PTPN14: variants seen among roughly 807,000 people sequenced by gnomAD.
PTPN14 encodes the protein tyrosine-protein phosphatase non-receptor type 14.
A neutral mutation model predicts 126.8 loss-of-function variants in PTPN14; 53 were observed. The observed-to-expected ratio is 0.42, with a 90% confidence interval of 0.34 to 0.53. The LOEUF (loss-of-function observed/expected upper bound fraction) is 0.53, where lower values mean the gene tolerates loss of function less well. Among genes scored for constraint, PTPN14 ranks in the 20% least tolerant of loss-of-function variants. The pLI, the probability that PTPN14 is intolerant of heterozygous loss-of-function variation, is 0.08. For missense variants in PTPN14, 1,257 were observed against 1,552.9 expected, an observed-to-expected ratio of 0.81 and a Z score of 3.20; for synonymous variants, 630 against 599.3, an observed-to-expected ratio of 1.05 and a Z score of -0.75.
intron 1 of PTPN14, among the ~76,000 whole-genome samples, chr1:214,515,578 T>C (rs1194607139): frequency 1.3e-5 from 2 of 152,186 alleles, no homozygotes; most frequent in Non-Finnish European, 1.5e-5. Flanking sequence ...TAATAACAGC[T>C]TCCAATTCAT....
intron 7 of PTPN14, 52 bp downstream of exon 7, chr1:214,401,633 T>C: frequency 7.0e-7 from 1 of 1,426,200 alleles, no homozygotes. Context: ...GTTTTCCAAA[T>C]GCCAGTACCG....
intron 1 of PTPN14, among the ~76,000 whole-genome samples, chr1:214,521,321 G>A (rs1655249369): frequency 6.6e-6 from 1 of 152,196 alleles, no homozygotes; most frequent in Non-Finnish European, 1.5e-5. Flanking sequence ...CTAAGATATA[G>A]AAAAGAGCCC....
At chr1:214,387,381 G>A (rs935874056) in intron 11 of PTPN14, among the ~76,000 whole-genome samples, 9 of 152,244 alleles carry the variant, frequency 5.9e-5, no homozygotes, top group Non-Finnish European at 8.8e-5. Context: ...GCATGGTGGC[G>A]CATGCCTGTA....
chr1:214,533,556 G>C, intron 1 of PTPN14: 1 of 301,116 alleles, frequency 3.3e-6, no homozygotes, highest in Non-Finnish European at 6.3e-6. Context: ...AAAAGGCTGG[G>C]TGCGGTGGCT....
rs1489155775 is a variant in PTPN14, at chr1:214,551,524, GCTGAGCCCGGAGAAGCACAGCAAC to G, written c.-520_-497del. ...AGGACCTGAGCCAGGAGAGCAGGCG[GCTGAGCCCGGAGAAGCACAGCAAC>G]CTGCCCCCGAGTCTGCGCCCGCTGC... is the stretch of plus-strand genomic sequence containing the variant. On this transcript the variant is annotated 5_prime_UTR_variant, in exon 1 of 19. Coordinates refer to ENST00000366956, the MANE Select transcript of PTPN14 (RefSeq NM_005401.5). 1 of 152,362 alleles carries G rather than the reference GCTGAGCCCGGAGAAGCACAGCAAC, an allele frequency of 6.6e-6. No homozygotes were observed. The highest frequency in any genetic ancestry group is 1.5e-5 in the Non-Finnish European group (1 of 68,178). The allele number at this position is 152,362 out of a possible 1,614,324, so 9.4% of individuals were successfully genotyped here. A position where few individuals can be genotyped will look rare whatever the true frequency, so the allele number is the denominator to read the frequency against.
intron 1 of PTPN14, among the ~76,000 whole-genome samples, chr1:214,498,564 T>TCAA (rs1654603689): frequency 6.6e-6 from 1 of 150,556 alleles, no homozygotes; most frequent in Non-Finnish European, 1.5e-5. Context: ...ATATGATTAC[T>TCAA]CAATAATATA....
intron 1 of PTPN14, among the ~76,000 whole-genome samples, chr1:214,487,462 C>T (rs899697923): frequency 2.4e-4 from 36 of 152,078 alleles, no homozygotes; most frequent in African/African-American, 7.5e-4. Context: ...CCCGTCTCTG[C>T]TAAAAATACA....
chr1:214,550,962 G>T (rs543059979), intron 1 of PTPN14, among the ~76,000 whole-genome samples: 1 of 152,302 alleles, frequency 6.6e-6, no homozygotes, highest in African/African-American at 2.4e-5. Context: ...CTTCCAGCTC[G>T]CTCCCGGGAC....
intron 2 of PTPN14, among the ~76,000 whole-genome samples, chr1:214,459,308 T>C (rs1572013149): frequency 6.7e-6 from 1 of 149,882 alleles, no homozygotes; most frequent in East Asian, 2.0e-4. Flanking sequence ...ATGCACCACC[T>C]TGCCCGGGTA....
chr1:214,533,634 A>T (rs192619111), intron 1 of PTPN14, among the ~76,000 whole-genome samples: 1 of 152,050 alleles, frequency 6.6e-6, no homozygotes, highest in Non-Finnish European at 1.5e-5. Flanking sequence ...AATCAAGACC[A>T]TCCTGGCTAA....
At chr1:214,453,335 T>C (rs980383935) in intron 2 of PTPN14, among the ~76,000 whole-genome samples, 6 of 152,146 alleles carry the variant, frequency 3.9e-5, no homozygotes, top group Admixed American at 3.3e-4. Flanking sequence ...AGTGATGACA[T>C]AGAGGAAATG....
chr1:214,541,388 T>A (rs962522722), intron 1 of PTPN14, among the ~76,000 whole-genome samples: 1 of 152,136 alleles, frequency 6.6e-6, no homozygotes, highest in Non-Finnish European at 1.5e-5. Flanking sequence ...GGCTAGGAAG[T>A]TAGGTGTGAT....
chr1:214,520,520 G>C (rs1002880429), intron 1 of PTPN14, among the ~76,000 whole-genome samples: 1 of 152,084 alleles, frequency 6.6e-6, no homozygotes, highest in Admixed American at 6.6e-5. Flanking sequence ...AGGATGCCTG[G>C]AATCTAAAAG....
At chr1:214,468,249 G>GT (rs893512404) in intron 1 of PTPN14, among the ~76,000 whole-genome samples, 3 of 152,220 alleles carry the variant, frequency 2.0e-5, no homozygotes, top group African/African-American at 2.4e-5. Flanking sequence ...CTTTCCAATG[G>GT]TTTTTTTGCA....
rs150037730 is a variant in PTPN14, at chr1:214,396,557, C to T, written c.758+1356G>A. On this transcript the variant is annotated intron_variant, in intron 8 of 18. Coordinates refer to ENST00000366956, the MANE Select transcript of PTPN14 (RefSeq NM_005401.5). ...GAAATCCTAGATATACTCGGAGCCCCGCCACATGACTTCATCTAGTGGTAT... is the reference window on the plus strand; with the variant it reads ...GAAATCCTAGATATACTCGGAGCCCTGCCACATGACTTCATCTAGTGGTAT... Among the ~76,000 whole-genome samples, 93 of 152,294 alleles carry T rather than the reference C, an allele frequency of 6.1e-4. No homozygotes were observed. In the East Asian group the frequency reaches 0.014, roughly 23 times the overall value.
At chr1:214,453,136 T>A (rs1265037225) in intron 2 of PTPN14, among the ~76,000 whole-genome samples, 3 of 152,200 alleles carry the variant, frequency 2.0e-5, no homozygotes, top group Non-Finnish European at 2.9e-5. Context: ...GGGTAATGAT[T>A]TGATTAGCTT....
chr1:214,479,699 G>A (rs976317666), intron 1 of PTPN14, among the ~76,000 whole-genome samples: 6 of 152,036 alleles, frequency 3.9e-5, no homozygotes, highest in African/African-American at 1.2e-4. Flanking sequence ...CTTATGTCCT[G>A]AAATTTATTC....
rs568144607 is a variant in PTPN14, at chr1:214,398,007, T to C, written c.670-6A>G. On this transcript the variant is annotated splice_region_variant and splice_polypyrimidine_tract_variant and intron_variant, in intron 7 of 18. Transcript: ENST00000366956. ...ACACAGTTTCCATGATTGTCCTGGG[T>C]AAGACCAACAAAAGATACTTGTGAT... The C allele has an allele frequency of 5.0e-6, 8 of 1,598,152 alleles. No homozygotes were observed. The African/African-American group carries it at 1.1e-4, about 21-fold the overall frequency.
intron 3 of PTPN14, 150 bp downstream of exon 3, chr1:214,451,655 T>C: frequency 1.1e-6 from 1 of 908,144 alleles, no homozygotes; most frequent in South Asian, 2.0e-5. Context: ...AAGCAATGAG[T>C]AAACAACCCC....
Sources: gnomAD v4.1 joint callset for allele counts (sites outside exome capture counted in the v4.1 genomes callset) on GRCh38, gnomAD v4.1.1 for gene constraint, MANE v1.5 for transcripts, NCBI Gene and HGNC (gene_info 2026-07-23, HGNC 2026-07-21) for gene names.